Variants in DLC1 observed in about 807,000 individuals in gnomAD.
The protein encoded by DLC1 is rho GTPase-activating protein 7.
Under a neutral mutation model 140.3 loss-of-function variants are expected in DLC1, and 54 were observed. That is an observed-to-expected ratio of 0.38 (90% CI 0.31 to 0.48). The LOEUF (loss-of-function observed/expected upper bound fraction) is 0.48. DLC1 is among the 20% of genes least tolerant of loss of function. The pLI, the probability that DLC1 is intolerant of heterozygous loss-of-function variation, is 0.96. For synonymous variants in DLC1, 986 were observed against 728.1 expected, an observed-to-expected ratio of 1.35 and a Z score of -5.70; for missense variants, 2,536 against 1,907.0, an observed-to-expected ratio of 1.33 and a Z score of -6.14.
chr8:13,539,240 C>T (rs1173164525), intron 1 of DLC1, among the ~76,000 whole-genome samples: 1 of 151,988 alleles, frequency 6.6e-6, no homozygotes, highest in African/African-American at 2.4e-5. Flanking sequence ...CGCTCTGTTG[C>T]CCAGGCTGGA....
chr8:13,453,098 C>T (rs1043021262), intron 2 of DLC1, among the ~76,000 whole-genome samples: 7 of 150,766 alleles, frequency 4.6e-5, no homozygotes, highest in African/African-American at 1.7e-4. Flanking sequence ...AAGTGACTGG[C>T]CCAAGACAGA....
Position 13,100,567 on chromosome 8 carries a change from C to T in DLC1, c.1770G>A (p.Glu590=), listed in dbSNP as rs776263200. ...GTLMDLSERQ[E]VSSVRSLSST... is the part of the protein sequence containing the mutation. ...TGCTGAGGCTGCGGACGGAAGACAC[C>T]TCCTGGCGCTCGCTGAGGTCCATCA... The change falls in exon 9 of 18, where the codon GAG becomes GAA. Residue 590 remains glutamate, a synonymous_variant. Transcript: ENST00000276297. 1.8e-5 allele frequency: 29 copies of T among 1,613,430 alleles called. No individual in the cohort carries two copies. In the African/African-American group the frequency reaches 3.7e-4, roughly 21 times the overall value.
intron 5 of DLC1, among the ~76,000 whole-genome samples, chr8:13,301,220 A>T (rs1832178594): frequency 6.7e-6 from 1 of 149,040 alleles, no homozygotes; most frequent in African/African-American, 2.5e-5. Flanking sequence ...TCAGTCTAAT[A>T]GACAAAAAAA....
At chr8:13,337,437 G>C (rs1006333028) in intron 4 of DLC1, among the ~76,000 whole-genome samples, 1 of 152,060 alleles carries the variant, frequency 6.6e-6, no homozygotes, top group Non-Finnish European at 1.5e-5. Flanking sequence ...TCATGTTGCA[G>C]AATGACAACA....
chr8:13,445,930 GA>G (rs1255506037), intron 2 of DLC1, among the ~76,000 whole-genome samples: 1 of 151,990 alleles, frequency 6.6e-6, no homozygotes, highest in Non-Finnish European at 1.5e-5. Context: ...CATCTTTAAG[GA>G]AAAAACTTCG....
intron 1 of DLC1, among the ~76,000 whole-genome samples, chr8:13,505,582 C>T (rs1802021583): frequency 1.3e-5 from 2 of 152,146 alleles, no homozygotes; most frequent in South Asian, 4.2e-4. Flanking sequence ...TGCAATATGT[C>T]TGGTGGGGCC....
chr8:13,308,551 A>G (rs1298151751), intron 4 of DLC1, among the ~76,000 whole-genome samples: 1 of 152,198 alleles, frequency 6.6e-6, no homozygotes, highest in Admixed American at 6.5e-5. Context: ...CAATTGAAAA[A>G]TGCTGACACT....
intron 1 of DLC1, among the ~76,000 whole-genome samples, chr8:13,535,749 T>G (rs1803256494): frequency 6.6e-6 from 1 of 151,160 alleles, no homozygotes; most frequent in Non-Finnish European, 1.5e-5. Flanking sequence ...GAGATTATCA[T>G]CTAAGTCATT....
rs779873981 is a variant in DLC1, at chr8:13,499,267, A to T, written c.805T>A (p.Leu269Ile). The change falls in exon 2 of 18, where the codon TTA (leucine) becomes ATA (isoleucine). Residue 269 changes from leucine to isoleucine, a missense_variant. Transcript: ENST00000276297. Reference sequence around the variant, plus strand: ...CAGCTTCCAAAATCTGTTTTTAATAATGGCAGTCCTCTGTTTGTGCAAGGA... The same window carrying T: ...CAGCTTCCAAAATCTGTTTTTAATATTGGCAGTCCTCTGTTTGTGCAAGGA... ...DTPCTNRGLP[L>I]LKTDFGSCLL... 5.0e-6 allele frequency: 8 copies of T among 1,614,172 alleles called. No individual in the cohort carries two copies. In the East Asian group the frequency reaches 6.7e-5, roughly 13 times the overall value.
chr8:13,495,677 A>C (rs913731940), intron 2 of DLC1, among the ~76,000 whole-genome samples: 2 of 152,194 alleles, frequency 1.3e-5, no homozygotes. Context: ...GACTCCTAAT[A>C]AATATACGTG....
At chr8:13,266,672 A>G (rs1212650) in intron 5 of DLC1, among the ~76,000 whole-genome samples, 109,992 of 152,012 alleles carry the variant, frequency 0.72, 40,164 homozygotes, top group East Asian at 0.92. Flanking sequence ...TTGAATCTGG[A>G]AGGCAGAAGT....
chr8:13,500,954 T>C (rs993340199), intron 1 of DLC1, among the ~76,000 whole-genome samples: 6 of 152,230 alleles, frequency 3.9e-5, no homozygotes, highest in African/African-American at 1.4e-4. Context: ...TGAGCCGAGA[T>C]TCAAACTTGG....
intron 1 of DLC1, among the ~76,000 whole-genome samples, chr8:13,512,871 C>T (rs1461820928): frequency 6.6e-6 from 1 of 151,184 alleles, no homozygotes; most frequent in Non-Finnish European, 1.5e-5. Context: ...AAGCAAGTTA[C>T]TACTGTAAAG....
chr8:13,518,194 C>T (rs1445461800), upstream of DLC1, among the ~76,000 whole-genome samples: 14 of 150,400 alleles, frequency 9.3e-5, no homozygotes, highest in Non-Finnish European at 1.5e-4. Context: ...AGGCAACCTC[C>T]GCCTCCTAGG....
intron 5 of DLC1, among the ~76,000 whole-genome samples, chr8:13,282,065 G>A (rs1831383516): frequency 6.6e-6 from 1 of 152,280 alleles, no homozygotes; most frequent in South Asian, 2.1e-4. Flanking sequence ...ATAGGGTGGG[G>A]ACTCGTCCCT....
chr8:13,582,734 G>C (rs1283475187), intron 1 of DLC1, among the ~76,000 whole-genome samples: 1 of 150,878 alleles, frequency 6.6e-6, no homozygotes, highest in Non-Finnish European at 1.5e-5. Context: ...AGAGAACCCT[G>C]ACTAATACAG....
chr8:13,472,404 C>T (rs1800249210), intron 2 of DLC1, among the ~76,000 whole-genome samples: 1 of 152,080 alleles, frequency 6.6e-6, no homozygotes, highest in Non-Finnish European at 1.5e-5. Context: ...TGTTTTTATC[C>T]AATGTTTAGT....
intron 3 of DLC1, among the ~76,000 whole-genome samples, chr8:13,400,020 C>T (rs1377056495): frequency 6.6e-6 from 1 of 151,992 alleles, no homozygotes; most frequent in Non-Finnish European, 1.5e-5. Context: ...TCCTCTTATT[C>T]CACTACACAA....
chr8:13,191,776 A>G (rs190037538), intron 5 of DLC1, among the ~76,000 whole-genome samples: 310 of 152,206 alleles, frequency 2.0e-3, no homozygotes, highest in South Asian at 0.01. Context: ...TGTGGCCACA[A>G]CATTCTCCTT....
Sources: allele counts gnomAD v4.1 joint callset (sites outside exome capture counted in the v4.1 genomes callset), GRCh38; gene constraint gnomAD v4.1.1; transcripts MANE v1.5; gene names NCBI Gene and HGNC (gene_info 2026-07-23, HGNC 2026-07-21).